Variants in MAP4K4 observed in about 807,000 individuals in gnomAD.
MAP4K4 encodes the protein mitogen-activated protein kinase kinase kinase kinase 4.
MAP4K4 carries 38 observed loss-of-function variants against 189.6 expected under a neutral mutation model. That is an observed-to-expected ratio of 0.20 (90% CI 0.15 to 0.26). The LOEUF (loss-of-function observed/expected upper bound fraction) is 0.26, where lower values mean the gene tolerates loss of function less well. MAP4K4 is among the 10% of genes least tolerant of loss of function. The probability of loss-of-function intolerance (pLI) is 1.00; values close to 1 mark genes in which losing one functional copy is unlikely to be tolerated. For missense variants in MAP4K4, 1,054 were observed against 1,726.9 expected, an observed-to-expected ratio of 0.61 and a Z score of 6.91; for synonymous variants, 610 against 624.3, an observed-to-expected ratio of 0.98 and a Z score of 0.34.
intron 2 of MAP4K4, among the ~76,000 whole-genome samples, chr2:101,764,941 AAACT>A (rs904434994): frequency 6.6e-6 from 1 of 152,252 alleles, no homozygotes; most frequent in Non-Finnish European, 1.5e-5. Flanking sequence ...TTAGTTGGAC[AAACT>A]AACATTATGT....
intron 19 of MAP4K4, among the ~76,000 whole-genome samples, chr2:101,866,944 C>T (rs2097835217): frequency 6.6e-6 from 1 of 151,362 alleles, no homozygotes; most frequent in Non-Finnish European, 1.5e-5. Context: ...AGTGAATATT[C>T]CCTCTACTGT....
At chr2:101,771,691 A>G (rs1015556717) in intron 2 of MAP4K4, among the ~76,000 whole-genome samples, 2 of 152,164 alleles carry the variant, frequency 1.3e-5, no homozygotes, top group Admixed American at 6.5e-5. Flanking sequence ...TTAGTTGTAC[A>G]ATGACTCCAG....
Position 101,861,034 on chromosome 2 carries a change from T to C in MAP4K4, c.1866+48T>C, listed in dbSNP as rs1388755113. 5 of 1,520,714 alleles carry C rather than the reference T, an allele frequency of 3.3e-6. No individual in the cohort carries two copies. The East Asian group carries it at 9.6e-5, about 29-fold the overall frequency. 94.2% of individuals were successfully genotyped at this position (1,520,714 alleles called of 1,614,324 possible). The stretch of plus-strand genomic sequence containing the variant: ...TGGTTGAGGAGACTCATGCAACGGC[T>C]CGCTGAGCCGCAGGCCTGCTGTAAT... On this transcript the variant is annotated intron_variant, in intron 16 of 32. Coordinates refer to ENST00000324219, the Ensembl canonical transcript of MAP4K4.
At chr2:101,839,459 C>T (rs1036613928) in intron 9 of MAP4K4, among the ~76,000 whole-genome samples, 9 of 152,150 alleles carry the variant, frequency 5.9e-5, no homozygotes, top group Non-Finnish European at 1.0e-4. Context: ...GTCCTGTCTG[C>T]CTTCATTTTA....
intron 12 of MAP4K4, among the ~76,000 whole-genome samples, chr2:101,844,707 T>C (rs2097037411): frequency 6.6e-6 from 1 of 152,180 alleles, no homozygotes; most frequent in South Asian, 2.1e-4. Flanking sequence ...AGTTTGTATG[T>C]GCATATTTTT....
chr2:101,804,030 C>T (rs988705747), intron 3 of MAP4K4, among the ~76,000 whole-genome samples: 1 of 152,114 alleles, frequency 6.6e-6, no homozygotes, highest in Non-Finnish European at 1.5e-5. Flanking sequence ...CTCAGCGTTG[C>T]GGGAAGCCAG....
At chr2:101,802,173 C>T (rs1267681176) in intron 3 of MAP4K4, among the ~76,000 whole-genome samples, 1 of 152,168 alleles carries the variant, frequency 6.6e-6, no homozygotes, top group Non-Finnish European at 1.5e-5. Context: ...AGATACAAAT[C>T]TGACCCTTCT....
At chr2:101,873,167 G>T (rs527490535) in intron 24 of MAP4K4, among the ~76,000 whole-genome samples, 1 of 152,310 alleles carries the variant, frequency 6.6e-6, no homozygotes, top group East Asian at 1.9e-4. Context: ...AGTAGCCAAA[G>T]CTTCTGTAGC....
At chr2:101,805,396 AT>A (rs2094831467) in intron 3 of MAP4K4, among the ~76,000 whole-genome samples, 1 of 152,196 alleles carries the variant, frequency 6.6e-6, no homozygotes, top group Non-Finnish European at 1.5e-5. Context: ...TTCAGTTAGC[AT>A]TATGTTTGTG....
intron 24 of MAP4K4, among the ~76,000 whole-genome samples, chr2:101,873,077 A>ACGC: frequency 6.6e-6 from 1 of 152,232 alleles, no homozygotes; most frequent in East Asian, 1.9e-4. Context: ...TCAAAAAGAT[A>ACGC]CGCCTTCTTT....
intron 6 of MAP4K4, among the ~76,000 whole-genome samples, chr2:101,830,463 T>A (rs974541375): frequency 6.6e-6 from 1 of 152,222 alleles, no homozygotes; most frequent in Non-Finnish European, 1.5e-5. Flanking sequence ...AGAGTTTGTA[T>A]TAATTTTTCT....
chr2:101,744,412 TGGCTTAATGGCTCTCG>T (rs2064244261), intron 2 of MAP4K4, among the ~76,000 whole-genome samples: 1 of 152,240 alleles, frequency 6.6e-6, no homozygotes, highest in Non-Finnish European at 1.5e-5. Flanking sequence ...TAGCCACATG[TGGCTTAATGGCTCTCG>T]AAGTCCGACA....
At chr2:101,867,579 G>C (rs1262711640) in intron 20 of MAP4K4, 2 of 411,548 alleles carry the variant, frequency 4.9e-6, no homozygotes, top group East Asian at 8.6e-5. Flanking sequence ...AAATTATGCA[G>C]AACAAAGTAT....
At chr2:101,815,562 A>G (rs2095664353) in intron 3 of MAP4K4, among the ~76,000 whole-genome samples, 1 of 152,034 alleles carries the variant, frequency 6.6e-6, no homozygotes, top group Non-Finnish European at 1.5e-5. Context: ...GCTTCTTTGC[A>G]TGCCTGGTAA....
At chr2:101,701,986 C>T (rs2039084332) in intron 2 of MAP4K4, among the ~76,000 whole-genome samples, 1 of 152,152 alleles carries the variant, frequency 6.6e-6, no homozygotes, top group Non-Finnish European at 1.5e-5. Context: ...CTGCCTCAGC[C>T]TCCTGAGTAG....
intron 26 of MAP4K4, among the ~76,000 whole-genome samples, chr2:101,875,447 G>T (rs184514581): frequency 2.0e-4 from 31 of 152,038 alleles, no homozygotes; most frequent in African/African-American, 6.5e-4. Context: ...CAAATGTTGG[G>T]ATAATCCCAA....
At chr2:101,825,426 G>A in exon 5 of MAP4K4, 3 of 1,609,844 alleles carry the variant, frequency 1.9e-6, no homozygotes, top group Non-Finnish European at 1.7e-6. Flanking sequence ...GAGAAATCCT[G>A]AGGGTAAGGA....
At chr2:101,767,082 G>C (rs2078944545) in intron 2 of MAP4K4, among the ~76,000 whole-genome samples, 3 of 152,180 alleles carry the variant, frequency 2.0e-5, no homozygotes, top group Non-Finnish European at 2.9e-5. Flanking sequence ...ATCAGAGTTT[G>C]AAGTGAAGTT....
intron 3 of MAP4K4, among the ~76,000 whole-genome samples, chr2:101,822,633 G>A (rs1203327125): frequency 6.6e-6 from 1 of 152,192 alleles, no homozygotes; most frequent in Non-Finnish European, 1.5e-5. Flanking sequence ...CTTTAGGCTT[G>A]TAAGGCCTTA....
Sources: allele counts gnomAD v4.1 joint callset (sites outside exome capture counted in the v4.1 genomes callset), GRCh38; gene constraint gnomAD v4.1.1; transcripts MANE v1.5; gene names NCBI Gene and HGNC (gene_info 2026-07-23, HGNC 2026-07-21).